LUZP2: variants seen among roughly 807,000 people sequenced by gnomAD.
LUZP2 encodes leucine zipper protein 2.
LUZP2 carries 52 observed loss-of-function variants against 51.6 expected under a neutral mutation model. That is an observed-to-expected ratio of 1.01 (90% CI 0.81 to 1.27). The LOEUF (loss-of-function observed/expected upper bound fraction) is 1.27. Among genes scored for constraint, LUZP2 ranks in the 50% most tolerant of loss-of-function variants. The pLI, the probability that LUZP2 is intolerant of heterozygous loss-of-function variation, is 0.00. For missense variants in LUZP2, 436 were observed against 395.4 expected (o/e 1.10, Z -0.87); for synonymous variants, 154 against 137.3 (o/e 1.12, Z -0.85).
intron 9 of LUZP2, among the ~76,000 whole-genome samples, chr11:25,001,844 CCT>C (rs375653630): frequency 2.6e-5 from 4 of 151,292 alleles, no homozygotes; most frequent in Non-Finnish European, 5.9e-5. Flanking sequence ...TCTGTTTCTT[CCT>C]CTCTCTCTCT....
At chr11:25,067,811 A>G (rs1220893545) in intron 10 of LUZP2, among the ~76,000 whole-genome samples, 1 of 152,004 alleles carries the variant, frequency 6.6e-6, no homozygotes, top group Non-Finnish European at 1.5e-5. Context: ...CAGCAGTCCC[A>G]TTACTATGTA....
chr11:24,844,639 C>T (rs1277793381), intron 5 of LUZP2, among the ~76,000 whole-genome samples: 1 of 152,142 alleles, frequency 6.6e-6, no homozygotes, highest in African/African-American at 2.4e-5. Context: ...CATCCCATCA[C>T]AGGCCTGGAG....
intron 4 of LUZP2, among the ~76,000 whole-genome samples, chr11:24,751,873 G>C (rs1167882411): frequency 6.6e-6 from 1 of 151,918 alleles, no homozygotes; most frequent in Non-Finnish European, 1.5e-5. Context: ...TACCCAAGGA[G>C]TTAACCTATA....
intron 1 of LUZP2, among the ~76,000 whole-genome samples, chr11:24,728,373 T>G (rs966105111): frequency 6.6e-6 from 1 of 152,122 alleles, no homozygotes; most frequent in Non-Finnish European, 1.5e-5. Context: ...CCATTTTGTA[T>G]GTTTTGCTGA....
chr11:24,994,472 G>C (rs1264199598), intron 9 of LUZP2, among the ~76,000 whole-genome samples: 1 of 152,156 alleles, frequency 6.6e-6, no homozygotes, highest in Non-Finnish European at 1.5e-5. Flanking sequence ...TCTCAATTCA[G>C]TTCCATTAAT....
intron 9 of LUZP2, among the ~76,000 whole-genome samples, chr11:24,997,033 G>C (rs534581529): frequency 1.1e-3 from 159 of 149,464 alleles, no homozygotes; most frequent in African/African-American, 3.8e-3. Context: ...GGACATTTGG[G>C]TTGGTTCCAA....
intron 1 of LUZP2, among the ~76,000 whole-genome samples, chr11:24,684,929 G>A (rs1032845182): frequency 2.0e-5 from 3 of 152,064 alleles, no homozygotes; most frequent in South Asian, 2.1e-4. Context: ...TTCGGTAGCT[G>A]GGAGTGTTTT....
At chr11:24,636,070 T>TA (rs980663765) in intron 1 of LUZP2, among the ~76,000 whole-genome samples, 2 of 152,140 alleles carry the variant, frequency 1.3e-5, no homozygotes, top group African/African-American at 4.8e-5. Context: ...CAGTTACCTG[T>TA]AAAAAATAAA....
intron 5 of LUZP2, among the ~76,000 whole-genome samples, chr11:24,765,395 A>T (rs966060298): frequency 2.0e-5 from 3 of 152,072 alleles, no homozygotes; most frequent in East Asian, 1.9e-4. Context: ...TGAGTGAGGG[A>T]ATTAGGGAAG....
chr11:24,982,087 T>G (rs960083918), intron 8 of LUZP2, among the ~76,000 whole-genome samples: 5 of 151,880 alleles, frequency 3.3e-5, no homozygotes, highest in African/African-American at 1.2e-4. Context: ...TCAGAATGGC[T>G]GTTATTAAAA....
At chr11:24,989,111 A>G (rs1309381957) in intron 9 of LUZP2, among the ~76,000 whole-genome samples, 1 of 151,868 alleles carries the variant, frequency 6.6e-6, no homozygotes, top group Admixed American at 6.6e-5. Flanking sequence ...TAAAAAAAAA[A>G]AAAAAGAAAA....
At chr11:24,872,749 CT>C (rs1359209204) in intron 5 of LUZP2, among the ~76,000 whole-genome samples, 3 of 151,984 alleles carry the variant, frequency 2.0e-5, no homozygotes, top group East Asian at 3.9e-4. Flanking sequence ...CAAAATTTTG[CT>C]TTTTTTATTT....
At chr11:25,037,126 C>T (rs1397049054) in intron 9 of LUZP2, among the ~76,000 whole-genome samples, 1 of 152,046 alleles carries the variant, frequency 6.6e-6, no homozygotes, top group African/African-American at 2.4e-5. Flanking sequence ...TTTTCTAAAT[C>T]TGGGTGCTTC....
intron 5 of LUZP2, among the ~76,000 whole-genome samples, chr11:24,849,419 T>C (rs547486911): frequency 2.6e-5 from 4 of 152,280 alleles, no homozygotes; most frequent in Admixed American, 2.6e-4. Context: ...CTGAGAATGA[T>C]GGTTTCCAGC....
chr11:24,895,032 A>C (rs745978557), intron 5 of LUZP2, among the ~76,000 whole-genome samples: 6 of 152,200 alleles, frequency 3.9e-5, no homozygotes, highest in Non-Finnish European at 8.8e-5. Context: ...TTTTTTATAT[A>C]GGCAAGACAT....
intron 5 of LUZP2, among the ~76,000 whole-genome samples, chr11:24,771,448 G>T (rs1383957135): frequency 9.1e-6 from 1 of 109,666 alleles, no homozygotes; most frequent in East Asian, 2.4e-4. Flanking sequence ...TTCTTAACAT[G>T]ATGCAAATGC....
intron 5 of LUZP2, among the ~76,000 whole-genome samples, chr11:24,784,366 TG>T (rs1849177891): frequency 6.6e-6 from 1 of 151,890 alleles, no homozygotes; most frequent in Non-Finnish European, 1.5e-5. Context: ...TGAAAAAAAA[TG>T]GTGACAATAC....
intron 5 of LUZP2, among the ~76,000 whole-genome samples, chr11:24,839,875 A>C (rs1459557727): frequency 6.6e-6 from 1 of 151,726 alleles, no homozygotes; most frequent in African/African-American, 2.4e-5. Context: ...CTTGATATTG[A>C]TATGCAGTCT....
At chr11:24,640,195 G>T (rs1855232836) in intron 1 of LUZP2, among the ~76,000 whole-genome samples, 2 of 151,970 alleles carry the variant, frequency 1.3e-5, no homozygotes, top group East Asian at 3.9e-4. Flanking sequence ...ATTTACAACT[G>T]GTGTTTTTCG....
Sources: gnomAD v4.1 joint callset for allele counts (sites outside exome capture counted in the v4.1 genomes callset) on GRCh38, gnomAD v4.1.1 for gene constraint, MANE v1.5 for transcripts, NCBI Gene and HGNC (gene_info 2026-07-23, HGNC 2026-07-21) for gene names.